GLIS3: variants seen among roughly 807,000 people sequenced by gnomAD.
GLIS3 encodes zinc finger protein GLIS3.
Under a neutral mutation model 78.6 loss-of-function variants are expected in GLIS3, and 53 were observed. The observed-to-expected ratio is 0.67, with a 90% CI of 0.54 to 0.85. The LOEUF (loss-of-function observed/expected upper bound fraction) is 0.85, where lower values mean the gene tolerates loss of function less well. Ranked by LOEUF, GLIS3 falls within the 40% of genes least tolerant of loss-of-function variation. GLIS3 has a pLI of 0.00. For missense variants in GLIS3, 1,703 were observed against 1,231.1 expected (o/e 1.38, Z -5.74); for synonymous variants, 684 against 509.9 (o/e 1.34, Z -4.60).
the GLIS3 span, among the ~76,000 whole-genome samples, chr9:4,453,630 A>T: frequency 6.6e-6 from 1 of 152,204 alleles, no homozygotes; most frequent in African/African-American, 2.4e-5. Context: ...TGGATTAAGA[A>T]AATGTGGCAC....
At chr9:4,257,850 G>A (rs10974415) in intron 2 of GLIS3, among the ~76,000 whole-genome samples, 5,811 of 152,124 alleles carry the variant, frequency 0.038, 324 homozygotes, top group African/African-American at 0.13. Context: ...TGGGATTACA[G>A]GTGTGAGCCA....
At chr9:4,266,734 A>C (rs1245775589) in intron 2 of GLIS3, among the ~76,000 whole-genome samples, 2 of 152,188 alleles carry the variant, frequency 1.3e-5, no homozygotes, top group Admixed American at 6.5e-5. Flanking sequence ...TAAATAGTAA[A>C]AGCTATCCTG....
intron 2 of GLIS3, among the ~76,000 whole-genome samples, chr9:4,219,732 C>A (rs951165085): frequency 1.3e-5 from 2 of 152,136 alleles, no homozygotes; most frequent in African/African-American, 2.4e-5. Flanking sequence ...AATAGTGCAA[C>A]TGAGCTGGGA....
At chr9:4,155,150 C>G (rs1364319638) in intron 2 of GLIS3, among the ~76,000 whole-genome samples, 2 of 152,016 alleles carry the variant, frequency 1.3e-5, no homozygotes, top group African/African-American at 2.4e-5. Context: ...AAAAAATGTT[C>G]TGCAATAAAC....
chr9:4,344,191 C>T (rs141126756), intron 2 of GLIS3, among the ~76,000 whole-genome samples: 368 of 152,214 alleles, frequency 2.4e-3, no homozygotes, highest in African/African-American at 8.4e-3. Context: ...GCAAGTCTCC[C>T]GATAAAATTC....
intron 4 of GLIS3, among the ~76,000 whole-genome samples, chr9:4,084,296 A>ACACACACACACACACACACAC (rs1564025137): frequency 6.2e-5 from 3 of 48,756 alleles, no homozygotes; most frequent in Admixed American, 2.6e-4. Flanking sequence ...CACACACACA[A>ACACACACACACACACACACAC]ATTCCTAGCC....
intron 7 of GLIS3, among the ~76,000 whole-genome samples, chr9:3,894,120 CCTT>C (rs1370334562): frequency 2.6e-5 from 4 of 152,232 alleles, no homozygotes; most frequent in African/African-American, 9.6e-5. Flanking sequence ...GTTTCCACCT[CCTT>C]CTGACCAATT....
At chr9:4,006,304 CAAAAAAAAAAAAA>C (rs71497513) in intron 4 of GLIS3, among the ~76,000 whole-genome samples, 1 of 32,542 alleles carries the variant, frequency 3.1e-5, no homozygotes, top group Non-Finnish European at 6.7e-5. Flanking sequence ...TCATATGTCT[CAAAAAAAAAAAAA>C]AAAAAAAAAA....
At chr9:3,942,939 G>A in intron 4 of GLIS3, among the ~76,000 whole-genome samples, 1 of 152,188 alleles carries the variant, frequency 6.6e-6, no homozygotes. Context: ...AACTGTGGTA[G>A]TCTCACACCT....
chr9:4,050,225 A>G (rs1226152719), intron 4 of GLIS3, among the ~76,000 whole-genome samples: 1 of 152,232 alleles, frequency 6.6e-6, no homozygotes, highest in Non-Finnish European at 1.5e-5. Context: ...AGACTGGATT[A>G]AGAAAATGTG....
intron 2 of GLIS3, among the ~76,000 whole-genome samples, chr9:4,222,671 C>T (rs1156293076): frequency 2.0e-5 from 3 of 152,192 alleles, no homozygotes; most frequent in African/African-American, 4.8e-5. Context: ...AAGAACAGTG[C>T]TACTGTAAGA....
the GLIS3 span, among the ~76,000 whole-genome samples, chr9:4,376,335 T>A: frequency 6.6e-6 from 1 of 152,202 alleles, no homozygotes; most frequent in East Asian, 1.9e-4. Context: ...AGGAGAGATT[T>A]CAGAGGCTGA....
rs1191931550 is a variant in GLIS3, at chr9:4,118,730, C to A, written c.748G>T (p.Asp250Tyr). Residue 250 changes from aspartate (D) to tyrosine (Y), a missense_variant, in exon 4 of 11, where the codon GAT becomes TAT. Asp to Tyr is a radical substitution (Grantham distance 160). Coordinates refer to ENST00000381971, the MANE Select transcript of GLIS3 (RefSeq NM_001042413.2). This position sits in a 1 kb window ranked among gnomAD's most constrained non-coding sequence, Gnocchi z 4.7. ...GTCCCGGGAGGAAGGCTAAGGAGAT[C>A]CCCTAGATCAAGGCCATTCTGAGAG... ...HGSQNGLDLGDLLSLPPGTSM... is the reference protein window; with the variant it reads ...HGSQNGLDLGYLLSLPPGTSM... 1 of 1,613,866 alleles carries A rather than the reference C, an allele frequency of 6.2e-7. No homozygotes were observed. The highest frequency in any genetic ancestry group is 1.3e-5 in the African/African-American group (1 of 74,866).
chr9:4,371,300 A>G, the GLIS3 span, among the ~76,000 whole-genome samples: 1 of 152,176 alleles, frequency 6.6e-6, no homozygotes, highest in African/African-American at 2.4e-5. Flanking sequence ...CTGTAGGGAA[A>G]TAGGCATGGC....
intron 4 of GLIS3, among the ~76,000 whole-genome samples, chr9:3,990,374 C>T (rs982493875): frequency 1.3e-5 from 2 of 152,172 alleles, no homozygotes; most frequent in East Asian, 1.9e-4. Flanking sequence ...AAGTTGCACA[C>T]GGCAATGGCG....
intron 2 of GLIS3, among the ~76,000 whole-genome samples, chr9:4,338,367 T>TACACACAC (rs556724177): frequency 2.3e-5 from 3 of 131,618 alleles, no homozygotes; most frequent in African/African-American, 8.8e-5. Context: ...TATATGTGTG[T>TACACACAC]ACACACACAC....
chr9:4,410,885 A>C, the GLIS3 span, among the ~76,000 whole-genome samples: 1 of 152,214 alleles, frequency 6.6e-6, no homozygotes, highest in Non-Finnish European at 1.5e-5. Context: ...AGGAAGGTCA[A>C]TGCAGATTTC....
intron 2 of GLIS3, among the ~76,000 whole-genome samples, chr9:4,266,654 C>G (rs1826041001): frequency 6.6e-6 from 1 of 151,586 alleles, no homozygotes; most frequent in Non-Finnish European, 1.5e-5. Context: ...CCTCATGCTT[C>G]TGGACTGTGT....
chr9:4,425,325 A>C, the GLIS3 span, among the ~76,000 whole-genome samples: 2 of 152,336 alleles, frequency 1.3e-5, no homozygotes, highest in South Asian at 4.1e-4. Flanking sequence ...ATCATTATGC[A>C]AAATATGCCA....
Sources: gnomAD v4.1 joint callset for allele counts (sites outside exome capture counted in the v4.1 genomes callset) on GRCh38, gnomAD v4.1.1 for gene constraint, Gnocchi (gnomAD v3.1) non-coding constraint, MANE v1.5 for transcripts, NCBI Gene and HGNC (gene_info 2026-07-23, HGNC 2026-07-21) for gene names.